Variants in PACS2 observed in about 807,000 individuals in gnomAD.
PACS2 encodes PACS1-like protein.
Under a neutral mutation model 113.0 loss-of-function variants are expected in PACS2, and 36 were observed. That is an observed-to-expected ratio of 0.32 (90% CI 0.24 to 0.42). The LOEUF is 0.42. PACS2 is among the 10% of genes least tolerant of loss of function. The pLI is 1.00. For synonymous variants in PACS2, 589 were observed against 536.1 expected (o/e 1.10, Z -1.36); for missense variants, 1,015 against 1,239.5 (o/e 0.82, Z 2.72).
chr14:105,383,323 T>C, intron 15 of PACS2, 36 bp from the exon 16 acceptor site: 1 of 1,601,444 alleles, frequency 6.2e-7, no homozygotes, highest in Non-Finnish European at 8.5e-7. Context: ...CTGAGGCGTC[T>C]GTCCCCTCTC....
At chr14:105,392,873 A>G in intron 23 of PACS2, 28 bp downstream of exon 23, 5 of 1,525,176 alleles carry the variant, frequency 3.3e-6, no homozygotes, top group Non-Finnish European at 4.5e-6. Context: ...ATAAGGCCAC[A>G]CGGCGCAGAA....
intron 16 of PACS2, 97 bp downstream of exon 16, chr14:105,383,610 C>A: frequency 8.3e-7 from 1 of 1,202,556 alleles, no homozygotes; most frequent in Non-Finnish European, 1.1e-6. Context: ...TGTTGTGTGG[C>A]GTGGCGTGGC....
intron 11 of PACS2, 140 bp from the exon 12 acceptor site, chr14:105,380,817 G>T (rs1036941833): frequency 1.3e-6 from 1 of 777,450 alleles, no homozygotes. Context: ...TCCCTGGTCA[G>T]CGTATGGCCG....
intron 1 of PACS2, among the ~76,000 whole-genome samples, chr14:105,341,666 G>A (rs995426327): frequency 1.3e-5 from 2 of 152,166 alleles, no homozygotes; most frequent in African/African-American, 2.4e-5. Flanking sequence ...GTTTATCTGC[G>A]CAGTTTCTGA....
At chr14:105,375,832 A>T (rs1224983322) in intron 8 of PACS2, among the ~76,000 whole-genome samples, 1 of 152,218 alleles carries the variant, frequency 6.6e-6, no homozygotes, top group Non-Finnish European at 1.5e-5. Flanking sequence ...CAGCAGCTTC[A>T]TCTGTGATGG....
At chr14:105,311,378 C>T (rs1595527953), upstream of PACS2, among the ~76,000 whole-genome samples, 1 of 152,154 alleles carries the variant, frequency 6.6e-6, no homozygotes, top group African/African-American at 2.4e-5. Flanking sequence ...CTCAGCTTCC[C>T]AAGTCACTGG....
At chr14:105,385,755 C>T (rs1455487494) in intron 19 of PACS2, 38 bp downstream of exon 19, 22 of 1,380,426 alleles carry the variant, frequency 1.6e-5, no homozygotes, top group East Asian at 1.3e-4. Context: ...CCTGTCTGTC[C>T]CCAGGCTGGT....
chr14:105,383,041 C>T, intron 15 of PACS2, 128 bp downstream of exon 15: 1 of 657,712 alleles, frequency 1.5e-6, no homozygotes, highest in Non-Finnish European at 2.7e-6. Flanking sequence ...TCCACAGAGG[C>T]TGACCCATGC....
intron 17 of PACS2, among the ~76,000 whole-genome samples, 178 bp from the exon 18 acceptor site, chr14:105,384,701 G>A (rs114189676): frequency 0.012 from 1,780 of 152,280 alleles, 44 homozygotes; most frequent in African/African-American, 0.04. Flanking sequence ...GTCTTCCCAC[G>A]CTTGCCCTGG....
chr14:105,332,577 T>A (rs2059345277), intron 1 of PACS2, among the ~76,000 whole-genome samples: 1 of 152,162 alleles, frequency 6.6e-6, no homozygotes, highest in African/African-American at 2.4e-5. Flanking sequence ...TGGGGCTCGG[T>A]GCCTGGGGCT....
rs782689856 is a variant in PACS2 at position 105,394,537 on chromosome 14, G to A, written c.2597-17G>A. On this transcript the variant is annotated splice_polypyrimidine_tract_variant and intron_variant, in intron 24 of 24. Transcript: ENST00000447393. ...GCCGGGCAGGGGGGCAGGCGGTCAG[G>A]CAGCCCTCTCCCACAGTCCTCATCG... The A allele has an allele frequency of 1.2e-6, 2 of 1,610,106 alleles. No homozygotes were observed. The highest frequency in any genetic ancestry group is 1.1e-5 in the South Asian group (1 of 91,064).
chr14:105,384,655 G>A (rs1413810591), intron 17 of PACS2, among the ~76,000 whole-genome samples, 192 bp downstream of exon 17: 1 of 152,222 alleles, frequency 6.6e-6, no homozygotes, highest in African/African-American at 2.4e-5. Flanking sequence ...GGAAGCTGTG[G>A]GGCCTGTCTG....
intron 4 of PACS2, among the ~76,000 whole-genome samples, chr14:105,363,619 G>A (rs1363967933): frequency 6.6e-6 from 1 of 152,078 alleles, no homozygotes; most frequent in African/African-American, 2.4e-5. Context: ...TCTTCATCCC[G>A]GCCACTCACT....
intron 10 of PACS2, 27 bp downstream of exon 10, chr14:105,379,856 G>A: frequency 6.2e-7 from 1 of 1,601,234 alleles, no homozygotes. Context: ...TGATCTCCCA[G>A]AGCAGACCGT....
chr14:105,352,732 C>T (rs2060240473), intron 3 of PACS2, among the ~76,000 whole-genome samples: 2 of 145,488 alleles, frequency 1.4e-5, no homozygotes, highest in South Asian at 2.2e-4. Flanking sequence ...ATCACTATCC[C>T]CTGGGGTGAC....
intron 5 of PACS2, among the ~76,000 whole-genome samples, chr14:105,367,672 G>A (rs1555408284): frequency 6.6e-6 from 1 of 152,272 alleles, no homozygotes; most frequent in African/African-American, 2.4e-5. Context: ...TGCTGGTCTG[G>A]GTGCAGGGCC....
rs782818412 is a variant in PACS2 at position 105,389,941 on chromosome 14, G to C, written c.2034-20G>C. On this transcript the variant is annotated intron_variant, in intron 19 of 24. Coordinates refer to ENST00000447393, the MANE Select transcript of PACS2 (RefSeq NM_001100913.3). ...GCTGTGCCCTGAGGAGAGCTTAACT[G>C]TCTGTTTCCTTGCTCTTAGCCCTGA... 6.2e-7 allele frequency: 1 copy of C among 1,612,168 alleles called. No individual in the cohort carries two copies. The highest frequency in any genetic ancestry group is 1.7e-5 in the Admixed American group (1 of 60,032).
chr14:105,303,916 C>T (rs1024590323), intron 1 of PACS2, among the ~76,000 whole-genome samples: 5 of 152,226 alleles, frequency 3.3e-5, no homozygotes, highest in African/African-American at 1.2e-4. Flanking sequence ...TGAGGGGTGA[C>T]AGCCCCAAAT....
intron 9 of PACS2, among the ~76,000 whole-genome samples, chr14:105,378,611 G>A (rs2141220167): frequency 1.3e-5 from 2 of 152,348 alleles, no homozygotes; most frequent in Middle Eastern, 6.8e-3. Flanking sequence ...GTCTCCCTAT[G>A]TTTCCCAGGC....
Sources: allele counts gnomAD v4.1 joint callset (sites outside exome capture counted in the v4.1 genomes callset), GRCh38; gene constraint gnomAD v4.1.1; transcripts MANE v1.5; gene names NCBI Gene and HGNC (gene_info 2026-07-23, HGNC 2026-07-21).